Variants in DENND1A observed in about 807,000 individuals in gnomAD.
DENND1A encodes DENN domain containing 1A.
In DENND1A, 51 loss-of-function variants were observed where a neutral mutation model predicts 113.7. The observed-to-expected ratio is 0.45, with a 90% confidence interval of 0.36 to 0.57. The LOEUF (loss-of-function observed/expected upper bound fraction) is 0.57. Among genes scored for constraint, DENND1A ranks in the 20% least tolerant of loss-of-function variants. The pLI is 0.00. For synonymous variants in DENND1A, 565 were observed against 570.8 expected, an observed-to-expected ratio of 0.99 and a Z score of 0.14; for missense variants, 1,258 against 1,395.9, an observed-to-expected ratio of 0.90 and a Z score of 1.57.
At position 123,764,170 on chromosome 9, in the gene DENND1A, C is replaced by T. The variant is rs1235904010; in HGVS notation, c.182+5344G>A. On this transcript the variant is annotated intron_variant, in intron 4 of 23. Transcript: ENST00000394215. This position sits in a 1 kb window ranked among gnomAD's most constrained non-coding sequence, Gnocchi z 4.1. ...GTAAATCATCAGAATAATCACATCA[C>T]TTTGCAGAGTGGTTGCAGATTAGAG... 6.6e-6 allele frequency among the ~76,000 whole-genome samples: 1 copy of T among 152,178 alleles called. No individual in the cohort carries two copies. The highest frequency in any genetic ancestry group is 2.4e-5 in the African/African-American group (1 of 41,426).
At chr9:123,690,102 G>GAGGA (rs1158627505) in intron 5 of DENND1A, among the ~76,000 whole-genome samples, 1 of 88,310 alleles carries the variant, frequency 1.1e-5, no homozygotes. Context: ...GGGAGGGAGG[G>GAGGA]AGGGAGGAAG....
At chr9:123,928,733 C>G (rs1398684164) in intron 1 of DENND1A, 1 of 985,310 alleles carries the variant, frequency 1.0e-6, no homozygotes, top group African/African-American at 1.7e-5. Flanking sequence ...ACGGGCATCA[C>G]CTGGACATGA....
intron 9 of DENND1A, among the ~76,000 whole-genome samples, chr9:123,640,789 CAG>C (rs1414696618): frequency 1.3e-5 from 2 of 152,180 alleles, no homozygotes; most frequent in Non-Finnish European, 2.9e-5. Flanking sequence ...CAGAAGAGGA[CAG>C]AGGGACTCCA....
intron 2 of DENND1A, among the ~76,000 whole-genome samples, chr9:123,830,873 GAAAAAAAAAAAAA>G (rs71390447): frequency 1.0e-4 from 4 of 39,316 alleles, no homozygotes; most frequent in South Asian, 4.4e-3. Flanking sequence ...TCTCAAAAAT[GAAAAAAAAAAAAA>G]AAAAAAAAAA....
intron 15 of DENND1A, 141 bp downstream of exon 15, chr9:123,457,207 T>G (rs995361062): frequency 5.8e-6 from 4 of 691,892 alleles, no homozygotes; most frequent in Admixed American, 2.3e-5. Context: ...GAGGAATTCT[T>G]CAAACATTTC....
intron 5 of DENND1A, among the ~76,000 whole-genome samples, chr9:123,730,430 C>G (rs569270406): frequency 6.6e-6 from 1 of 152,094 alleles, no homozygotes; most frequent in Non-Finnish European, 1.5e-5. Context: ...ACAACCCCAT[C>G]AAAAAGAGGG....
intron 9 of DENND1A, among the ~76,000 whole-genome samples, chr9:123,646,848 C>G (rs1323032234): frequency 1.3e-5 from 2 of 152,074 alleles, no homozygotes; most frequent in African/African-American, 4.8e-5. Context: ...TGACTGGCCT[C>G]AGAGAGGACA....
At chr9:123,485,589 C>T (rs1275681241) in intron 13 of DENND1A, 5 of 147,908 alleles carry the variant, frequency 3.4e-5, no homozygotes, top group Non-Finnish European at 6.0e-5. Flanking sequence ...GACCTTACCT[C>T]TCCCCCTGCC....
intron 9 of DENND1A, among the ~76,000 whole-genome samples, chr9:123,636,558 C>G (rs2061712196): frequency 6.6e-6 from 1 of 152,098 alleles, no homozygotes; most frequent in Non-Finnish European, 1.5e-5. Flanking sequence ...CTCAGGTGAT[C>G]CGCCCTCCTC....
chr9:123,837,452 G>A (rs569357589), intron 2 of DENND1A, among the ~76,000 whole-genome samples: 1 of 152,094 alleles, frequency 6.6e-6, no homozygotes, highest in Non-Finnish European at 1.5e-5. Context: ...GTAAGGTATG[G>A]ATACAAACAT....
Position 123,845,670 on chromosome 9 carries a change from C to CAAAAAAAAAAAAA in DENND1A, c.88+33268_88+33280dup, listed in dbSNP as rs555731367. On this transcript the variant is annotated intron_variant, in intron 2 of 23. Transcript: ENST00000394215. ...GGGTGACCAAGTGAGAACCTGTCTC[C>CAAAAAAAAAAAAA]AAAAAAAAAAAAAAAAAAAAAAAAA... Among the ~76,000 whole-genome samples, 163 of 44,068 alleles carry CAAAAAAAAAAAAA rather than the reference C, an allele frequency of 3.7e-3. 2 individuals carry two copies. Among genetic ancestry groups the CAAAAAAAAAAAAA allele is most frequent in the African/African-American group, 0.01 (131 of 12,904 alleles). The allele number at this position is 44,068 out of a possible 152,430, so 28.9% of individuals were successfully genotyped here. A position where few individuals can be genotyped will look rare whatever the true frequency, so the allele number is the denominator to read the frequency against.
At chr9:123,584,303 C>T (rs2059060329) in intron 11 of DENND1A, among the ~76,000 whole-genome samples, 2 of 152,254 alleles carry the variant, frequency 1.3e-5, no homozygotes, top group Admixed American at 6.5e-5. Flanking sequence ...CCTGTGGTCA[C>T]TGCATATAAA....
intron 19 of DENND1A, among the ~76,000 whole-genome samples, chr9:123,415,629 C>G (rs989061921): frequency 6.6e-6 from 1 of 152,208 alleles, no homozygotes. Context: ...CAGGGCCCTC[C>G]TGCTCCCACC....
intron 13 of DENND1A, among the ~76,000 whole-genome samples, chr9:123,540,894 G>A (rs2056238552): frequency 6.6e-6 from 1 of 152,158 alleles, no homozygotes; most frequent in African/African-American, 2.4e-5. Flanking sequence ...AGCAGCATGG[G>A]ACCAGTGGAA....
intron 18 of DENND1A, among the ~76,000 whole-genome samples, chr9:123,447,802 A>AC (rs1564506383): frequency 6.6e-6 from 1 of 151,788 alleles, no homozygotes; most frequent in African/African-American, 2.4e-5. Flanking sequence ...AAAAAAAAAA[A>AC]ACCAAGGAAA....
chr9:123,701,933 C>A lies in DENND1A; in HGVS notation c.303-25144G>T, dbSNP rs117119203. 3.7e-4 allele frequency among the ~76,000 whole-genome samples: 56 copies of A among 152,264 alleles called. 1 individual carries two copies. The East Asian group carries it at 7.1e-3, about 19-fold the overall frequency. ...CATGACTACAAGGATCAGGGAAACA[C>A]GTTGTCACTAAACAGACAAAATGAG... On this transcript the variant is annotated intron_variant, in intron 5 of 23. Coordinates refer to ENST00000394215, the MANE Select transcript of DENND1A (RefSeq NM_001352964.2).
chr9:123,545,473 C>CT (rs113208699), intron 13 of DENND1A, among the ~76,000 whole-genome samples: 5,417 of 146,892 alleles, frequency 0.037, 132 homozygotes, highest in Admixed American at 0.038. Flanking sequence ...GTCTCCTGTT[C>CT]TTTTTTTTTT....
chr9:123,403,442 C>T lies in DENND1A; in HGVS notation c.1591G>A (p.Ala531Thr), dbSNP rs150150301. 5.0e-6 allele frequency: 8 copies of T among 1,614,022 alleles called. No homozygotes were observed. In the African/African-American group the frequency reaches 5.3e-5, roughly 11 times the overall value. ...HVVKRPKSNI[A>T]VEGRRTSVPS... ...ACAGACGTCCTCCGGCCTTCCACTG[C>T]GATGTTGCTCTTTGGTCTCTTAACA... Residue 531 changes from alanine to threonine, a missense_variant, in exon 21 of 24, where the codon GCA (alanine) becomes ACA (threonine). Transcript: ENST00000394215.
intron 20 of DENND1A, among the ~76,000 whole-genome samples, chr9:123,406,589 AT>A (rs1253778917): frequency 6.6e-6 from 1 of 152,260 alleles, no homozygotes; most frequent in African/African-American, 2.4e-5. Context: ...TGAGAAGTGC[AT>A]AATGACGCTG....
Sources: gnomAD v4.1 joint callset for allele counts (sites outside exome capture counted in the v4.1 genomes callset) on GRCh38, gnomAD v4.1.1 for gene constraint, Gnocchi (gnomAD v3.1) non-coding constraint, MANE v1.5 for transcripts, NCBI Gene and HGNC (gene_info 2026-07-23, HGNC 2026-07-21) for gene names.